The following SULF1 variants were observed in gnomAD, a reference collection of about 807,000 sequenced individuals.
The protein encoded by SULF1 is extracellular sulfatase Sulf-1.
In SULF1, 46 loss-of-function variants were observed where a neutral mutation model predicts 110.5. The observed-to-expected ratio is 0.42, with a 90% CI of 0.33 to 0.53. SULF1 has a LOEUF of 0.53. Ranked by LOEUF, SULF1 falls within the 20% of genes least tolerant of loss-of-function variation. SULF1 has a pLI of 0.12. For synonymous variants in SULF1, 371 were observed against 387.1 expected, an observed-to-expected ratio of 0.96 and a Z score of 0.49; for missense variants, 941 against 1,094.2, an observed-to-expected ratio of 0.86 and a Z score of 1.98.
chr8:69,530,077 G>T (rs965640213), intron 3 of SULF1, among the ~76,000 whole-genome samples: 4 of 152,166 alleles, frequency 2.6e-5, no homozygotes, highest in African/African-American at 9.7e-5. Flanking sequence ...TGAAATAAAT[G>T]CAGTAAATGC....
At chr8:69,477,066 T>G (rs1486794125) in intron 1 of SULF1, among the ~76,000 whole-genome samples, 1 of 152,196 alleles carries the variant, frequency 6.6e-6, no homozygotes, top group Admixed American at 6.5e-5. Flanking sequence ...AGATTTCAAT[T>G]CAAGATTCTA....
chr8:69,626,480 C>G (rs1810037908), intron 15 of SULF1, among the ~76,000 whole-genome samples: 1 of 152,270 alleles, frequency 6.6e-6, no homozygotes, highest in Non-Finnish European at 1.5e-5. Flanking sequence ...GCGCCATGCG[C>G]TCGCACTCCT....
chr8:69,523,108 G>A (rs1056055256), intron 3 of SULF1, among the ~76,000 whole-genome samples: 8 of 152,284 alleles, frequency 5.3e-5, no homozygotes, highest in African/African-American at 1.9e-4. Context: ...AAAAAGAAGA[G>A]TATTGCTGGA....
intron 1 of SULF1, among the ~76,000 whole-genome samples, chr8:69,493,973 T>C (rs962623190): frequency 2.0e-5 from 3 of 151,674 alleles, no homozygotes; most frequent in Non-Finnish European, 4.4e-5. Context: ...TTAGCAACTC[T>C]GACTTGCTAT....
intron 1 of SULF1, among the ~76,000 whole-genome samples, chr8:69,481,340 C>A (rs1263573992): frequency 2.6e-5 from 4 of 152,078 alleles, no homozygotes; most frequent in Admixed American, 2.6e-4. Context: ...GAATAATTAT[C>A]TTTTTTTATA....
intron 3 of SULF1, among the ~76,000 whole-genome samples, chr8:69,523,495 A>T (rs193236632): frequency 3.2e-4 from 48 of 152,220 alleles, no homozygotes; most frequent in African/African-American, 9.9e-4. Flanking sequence ...ACATGAGACC[A>T]TTTAGGGGAT....
intron 3 of SULF1, among the ~76,000 whole-genome samples, chr8:69,545,567 C>T (rs1000483737): frequency 4.6e-5 from 7 of 152,194 alleles, no homozygotes; most frequent in Non-Finnish European, 1.0e-4. Context: ...GAGAACTTCT[C>T]GTGGTCCAAG....
chr8:69,650,640 T>A (rs542930166), intron 22 of SULF1, among the ~76,000 whole-genome samples: 1 of 152,332 alleles, frequency 6.6e-6, no homozygotes, highest in East Asian at 1.9e-4. Context: ...TTTCCTCCTC[T>A]CCTGCGTATT....
intron 3 of SULF1, among the ~76,000 whole-genome samples, chr8:69,555,981 A>G (rs1586391141): frequency 6.6e-6 from 1 of 152,358 alleles, no homozygotes; most frequent in Middle Eastern, 3.4e-3. Context: ...CGAAACATGT[A>G]TAAAAAATCC....
intron 3 of SULF1, among the ~76,000 whole-genome samples, chr8:69,550,719 T>G (rs1434839189): frequency 6.6e-6 from 1 of 152,162 alleles, no homozygotes; most frequent in Non-Finnish European, 1.5e-5. Context: ...TCCAAAACTG[T>G]TTTCCCTTCT....
intron 13 of SULF1, among the ~76,000 whole-genome samples, chr8:69,606,308 T>C (rs897422856): frequency 6.6e-6 from 1 of 152,198 alleles, no homozygotes; most frequent in African/African-American, 2.4e-5. Flanking sequence ...TTTCAAGTGT[T>C]TAGTGGAGAA....
chr8:69,638,288 G>T (rs928016871), intron 19 of SULF1: 1 of 588,986 alleles, frequency 1.7e-6, no homozygotes, highest in Admixed American at 3.3e-5. Flanking sequence ...CAGCCTATAA[G>T]AGATCACTAT....
intron 3 of SULF1, among the ~76,000 whole-genome samples, chr8:69,516,096 CT>C (rs1165100730): frequency 9.9e-5 from 15 of 152,226 alleles, no homozygotes; most frequent in African/African-American, 3.4e-4. Flanking sequence ...TCCAAAGTCA[CT>C]TCCACATGTT....
At chr8:69,504,757 T>G (rs1008407126) in intron 3 of SULF1, among the ~76,000 whole-genome samples, 12 of 152,194 alleles carry the variant, frequency 7.9e-5, no homozygotes, top group Admixed American at 6.5e-4. Flanking sequence ...TTCAACCAAC[T>G]CCAGGATTTG....
At chr8:69,498,200 A>C (rs1446690178) in intron 2 of SULF1, among the ~76,000 whole-genome samples, 1 of 151,902 alleles carries the variant, frequency 6.6e-6, no homozygotes, top group Non-Finnish European at 1.5e-5. Context: ...TACAGAAAAC[A>C]TCCTAAGTCT....
chr8:69,594,004 TTCTA>T (rs1409312407), intron 8 of SULF1, among the ~76,000 whole-genome samples: 3 of 152,170 alleles, frequency 2.0e-5, no homozygotes, highest in Non-Finnish European at 4.4e-5. Flanking sequence ...CTTATCACCC[TTCTA>T]TGAACTATGC....
intron 21 of SULF1, among the ~76,000 whole-genome samples, chr8:69,640,120 AAAGGAAGG>A (rs904403713): frequency 2.9e-4 from 27 of 92,382 alleles, no homozygotes; most frequent in African/African-American, 1.2e-3. Context: ...AGGAAGGAAG[AAAGGAAGG>A]AAGAAGGAAG....
At position 69,624,211 on chromosome 8, in the gene SULF1, ATTTG is replaced by A. The variant is rs1222813121; in HGVS notation, c.1850+17_1850+20del. 1 of 1,553,318 alleles carries A rather than the reference ATTTG, an allele frequency of 6.4e-7. No homozygotes were observed. The highest frequency in any genetic ancestry group is 2.3e-5 in the East Asian group (1 of 44,218). ...AGTGACACACAAGTAAGAAAGCTTT[ATTTG>A]TTCACTAGGGTTGAGTTCAGAATTA... is the stretch of plus-strand genomic sequence containing the variant. On this transcript the variant is annotated intron_variant, in intron 15 of 22. Coordinates refer to ENST00000402687, the MANE Select transcript of SULF1 (RefSeq NM_001128205.2).
intron 22 of SULF1, among the ~76,000 whole-genome samples, chr8:69,649,972 CTTTTTTTTTTTTTTTTTTTT>C (rs536073966): frequency 3.9e-4 from 12 of 30,586 alleles, no homozygotes; most frequent in South Asian, 1.2e-3. Context: ...CTCCTGCTTG[CTTTTTTTTTTTTTTTTTTTT>C]TTTTTTTTTT....
Sources: gnomAD v4.1 joint callset for allele counts (sites outside exome capture counted in the v4.1 genomes callset) on GRCh38, gnomAD v4.1.1 for gene constraint, MANE v1.5 for transcripts, NCBI Gene and HGNC (gene_info 2026-07-23, HGNC 2026-07-21) for gene names.